Variants in SAMD8 observed in about 807,000 individuals in gnomAD.
SAMD8 encodes sterile alpha motif domain containing 8, also known as sphingomyelin synthase-related protein 1.
In SAMD8, 20 loss-of-function variants were observed where a neutral mutation model predicts 42.0. That is an observed-to-expected ratio of 0.48 (90% CI 0.34 to 0.69). The LOEUF (loss-of-function observed/expected upper bound fraction) is 0.69, where lower values mean the gene tolerates loss of function less well. Among genes scored for constraint, SAMD8 ranks in the 30% least tolerant of loss-of-function variants. SAMD8 has a pLI of 0.01. For missense variants in SAMD8, 328 were observed against 511.6 expected, an observed-to-expected ratio of 0.64 and a Z score of 3.46; for synonymous variants, 162 against 173.0, an observed-to-expected ratio of 0.94 and a Z score of 0.50.
intron 1 of SAMD8, among the ~76,000 whole-genome samples, chr10:75,141,302 C>A (rs984678557): frequency 6.7e-6 from 1 of 150,240 alleles, no homozygotes; most frequent in Non-Finnish European, 1.5e-5. Flanking sequence ...TGCAGTGAGC[C>A]GAGATCGTGC....
intron 1 of SAMD8, among the ~76,000 whole-genome samples, chr10:75,147,216 T>A (rs1272102867): frequency 4.6e-5 from 7 of 152,214 alleles, no homozygotes; most frequent in Admixed American, 4.6e-4. Context: ...CGAATAATGC[T>A]ACAAGAATGG....
chr10:75,103,260 C>G (rs1848288869), intron 1 of SAMD8, among the ~76,000 whole-genome samples: 1 of 152,242 alleles, frequency 6.6e-6, no homozygotes, highest in African/African-American at 2.4e-5. Context: ...AGGTCCGGGG[C>G]CCTCAGTTAG....
chr10:75,137,912 A>T (rs1411207637), intron 1 of SAMD8, among the ~76,000 whole-genome samples: 2 of 152,254 alleles, frequency 1.3e-5, no homozygotes, highest in Non-Finnish European at 2.9e-5. Flanking sequence ...AAGAGCATGT[A>T]TCTGTTATGC....
intron 1 of SAMD8, among the ~76,000 whole-genome samples, chr10:75,100,005 C>A (rs745859077): frequency 7.2e-5 from 11 of 152,132 alleles, no homozygotes; most frequent in Non-Finnish European, 1.5e-4. Context: ...AACAGCCACA[C>A]TGGTCTGGAG....
upstream of SAMD8, chr10:75,107,908 G>A (rs1042478882): frequency 3.5e-6 from 5 of 1,428,774 alleles, no homozygotes; most frequent in Non-Finnish European, 4.8e-6. Context: ...GCAGGGATGG[G>A]AGGGCACTGA....
chr10:75,145,489 A>G (rs1840110594), intron 1 of SAMD8, among the ~76,000 whole-genome samples: 1 of 151,692 alleles, frequency 6.6e-6, no homozygotes, highest in South Asian at 2.1e-4. Flanking sequence ...ATACTTTGGT[A>G]TTTCTATTAA....
At chr10:75,141,127 G>A (rs1840002029) in intron 1 of SAMD8, among the ~76,000 whole-genome samples, 1 of 152,102 alleles carries the variant, frequency 6.6e-6, no homozygotes, top group Admixed American at 6.6e-5. Flanking sequence ...TGAATCTCCT[G>A]AGCTCAGGAG....
At chr10:75,168,019 G>A (rs938768326) in intron 3 of SAMD8, among the ~76,000 whole-genome samples, 1 of 150,646 alleles carries the variant, frequency 6.6e-6, no homozygotes, top group Non-Finnish European at 1.5e-5. Flanking sequence ...TTTTTGAGAC[G>A]GAGTTTCACT....
chr10:75,121,790 C>A (rs1849011424), intron 1 of SAMD8, among the ~76,000 whole-genome samples: 1 of 152,076 alleles, frequency 6.6e-6, no homozygotes, highest in Non-Finnish European at 1.5e-5. Context: ...CTCCCAGGTT[C>A]AAGCGATTCT....
chr10:75,160,178 ACT>A (rs1280983465), intron 2 of SAMD8, among the ~76,000 whole-genome samples: 1 of 151,872 alleles, frequency 6.6e-6, no homozygotes, highest in East Asian at 1.9e-4. Flanking sequence ...CATAGTGATG[ACT>A]CTAAATTACT....
At chr10:75,160,344 C>G (rs1341458974) in intron 2 of SAMD8, among the ~76,000 whole-genome samples, 2 of 151,516 alleles carry the variant, frequency 1.3e-5, no homozygotes, top group African/African-American at 4.9e-5. Flanking sequence ...GTACAGGCGC[C>G]CGCCACCACG....
At chr10:75,111,348 T>G, upstream of SAMD8, 2 of 447,268 alleles carry the variant, frequency 4.5e-6, no homozygotes, top group Non-Finnish European at 3.6e-6. Context: ...GCCTCCGGCA[T>G]GACGCATGCG....
At chr10:75,132,855 G>A (rs916192354) in intron 1 of SAMD8, among the ~76,000 whole-genome samples, 15 of 152,016 alleles carry the variant, frequency 9.9e-5, no homozygotes, top group Non-Finnish European at 2.2e-4. Flanking sequence ...TGGGCTTGGT[G>A]GTACACACCT....
chr10:75,112,533 TG>T (rs1010829028), intron 1 of SAMD8, among the ~76,000 whole-genome samples: 24 of 152,158 alleles, frequency 1.6e-4, no homozygotes, highest in Non-Finnish European at 2.4e-4. Context: ...CCTAAAGGAC[TG>T]GGGGAAGTAG....
chr10:75,107,833 T>A (rs1848608552), upstream of SAMD8, among the ~76,000 whole-genome samples: 1 of 152,056 alleles, frequency 6.6e-6, no homozygotes, highest in Non-Finnish European at 1.5e-5. Context: ...CACCTCGGCC[T>A]CCCAAAGTGC....
At chr10:75,110,862 C>T (rs1487453322), upstream of SAMD8, among the ~76,000 whole-genome samples, 1 of 152,138 alleles carries the variant, frequency 6.6e-6, no homozygotes, top group Non-Finnish European at 1.5e-5. Context: ...GTCGCCCAGG[C>T]TGGAGTGCCA....
chr10:75,127,174 C>G (rs1008349445), intron 1 of SAMD8, among the ~76,000 whole-genome samples: 1 of 129,458 alleles, frequency 7.7e-6, no homozygotes. Flanking sequence ...GGGCACAGAG[C>G]GAGACTCTGT....
Position 75,176,070 on chromosome 10 carries a change from A to G in SAMD8, c.797A>G (p.Tyr266Cys), listed in dbSNP as rs1840984549. 1.2e-6 allele frequency: 2 copies of G among 1,613,708 alleles called. No individual in the cohort carries two copies. The highest frequency in any genetic ancestry group is 1.7e-6 in the Non-Finnish European group (2 of 1,179,812). The change falls in exon 5 of 6, where the codon TAT becomes TGT. Residue 266 changes from tyrosine (Y) to cysteine (C), a missense_variant. By Grantham distance (194) the Tyr-to-Cys change is radical. Coordinates refer to ENST00000542569, the MANE Select transcript of SAMD8 (RefSeq NM_001174156.2). This position sits in a 1 kb window ranked among gnomAD's most constrained non-coding sequence, Gnocchi z 4.3. Reference protein sequence around the residue: ...GQHLQCTGKIYGSVWEKLHRA... With the variant: ...GQHLQCTGKICGSVWEKLHRA... ...ATTCATAACTTTTCTTCATAGATATATGGCAGTGTATGGGAGAAATTACAT... is the reference window on the plus strand; with the variant it reads ...ATTCATAACTTTTCTTCATAGATATGTGGCAGTGTATGGGAGAAATTACAT...
chr10:75,168,526 G>A lies in SAMD8; in HGVS notation c.675-15G>A, dbSNP rs1317849042. The stretch of plus-strand genomic sequence containing the variant: ...TTCTTCTGATCTTTCCCCCTTTTTG[G>A]TTGATCTGTTACAGGTCAATACTTC... On this transcript the variant is annotated splice_polypyrimidine_tract_variant and intron_variant, in intron 3 of 5. Coordinates refer to ENST00000542569, the MANE Select transcript of SAMD8 (RefSeq NM_001174156.2). 24 of 1,603,878 alleles carry A rather than the reference G, an allele frequency of 1.5e-5. No homozygotes were observed. The highest frequency in any genetic ancestry group is 2.0e-5 in the Non-Finnish European group (24 of 1,173,372).
Sources: gnomAD v4.1 joint callset for allele counts (sites outside exome capture counted in the v4.1 genomes callset) on GRCh38, gnomAD v4.1.1 for gene constraint, Gnocchi (gnomAD v3.1) non-coding constraint, MANE v1.5 for transcripts, NCBI Gene and HGNC (gene_info 2026-07-23, HGNC 2026-07-21) for gene names.